GFRA1: variants seen among roughly 807,000 people sequenced by gnomAD.
GFRA1 encodes GDNF family receptor alpha-1.
Under a neutral mutation model 51.6 loss-of-function variants are expected in GFRA1, and 16 were observed. The observed-to-expected ratio is 0.31, with a 90% CI of 0.21 to 0.47. GFRA1 has a LOEUF of 0.47. Among genes scored for constraint, GFRA1 ranks in the 20% least tolerant of loss-of-function variants. The pLI is 1.00. For missense variants in GFRA1, 530 were observed against 594.3 expected (o/e 0.89, Z 1.13); for synonymous variants, 270 against 241.3 (o/e 1.12, Z -1.10).
At chr10:116,096,950 T>C (rs900031891) in intron 6 of GFRA1, among the ~76,000 whole-genome samples, 186 bp from the exon 7 acceptor site, 1 of 152,066 alleles carries the variant, frequency 6.6e-6, no homozygotes, top group Non-Finnish European at 1.5e-5. Context: ...GTTGGCATCC[T>C]TTCTCATTCA....
At chr10:116,225,798 A>T (rs990331635) in intron 4 of GFRA1, among the ~76,000 whole-genome samples, 1 of 152,020 alleles carries the variant, frequency 6.6e-6, no homozygotes, top group African/African-American at 2.4e-5. Context: ...CATGTTGGCC[A>T]GCCTGGTCTC....
At chr10:116,258,407 T>TTG (rs1969051390) in intron 4 of GFRA1, among the ~76,000 whole-genome samples, 1 of 7,836 alleles carries the variant, frequency 1.3e-4, no homozygotes, top group Non-Finnish European at 3.0e-3. Flanking sequence ...ATAAAATATA[T>TTG]TATATTAATA....
chr10:116,137,294 T>C (rs983730137), intron 5 of GFRA1, among the ~76,000 whole-genome samples: 1 of 152,186 alleles, frequency 6.6e-6, no homozygotes, highest in African/African-American at 2.4e-5. Flanking sequence ...TCCTATTAAG[T>C]AGCCTAGATG....
chr10:116,257,425 C>T (rs1485973773), intron 4 of GFRA1, among the ~76,000 whole-genome samples: 2 of 152,090 alleles, frequency 1.3e-5, no homozygotes, highest in Non-Finnish European at 2.9e-5. Flanking sequence ...CTTTGCCTTC[C>T]GAGCTTGTGC....
intron 5 of GFRA1, among the ~76,000 whole-genome samples, chr10:116,150,881 G>GT (rs1291428672): frequency 7.2e-5 from 11 of 152,056 alleles, no homozygotes; most frequent in African/African-American, 2.7e-4. Context: ...TGTTAGTTCT[G>GT]TTTAGAAATA....
chr10:116,148,052 A>ATGCGTGTG lies in GFRA1; in HGVS notation c.434-22496_434-22495insCACACGCA, dbSNP rs1360527323. 8.4e-4 allele frequency among the ~76,000 whole-genome samples: 70 copies of ATGCGTGTG among 83,510 alleles called. 1 individual carries two copies. Among genetic ancestry groups the ATGCGTGTG allele is most frequent in the African/African-American group, 1.7e-3 (43 of 25,756 alleles). The allele number at this position is 83,510 out of a possible 152,430, so 54.8% of individuals were successfully genotyped here. A position where few individuals can be genotyped will look rare whatever the true frequency, so the allele number is the denominator to read the frequency against. On this transcript the variant is annotated intron_variant, in intron 5 of 10. Transcript: ENST00000355422. ...TGCATGTGTGCATGTGCGTGTGTGCATGCATGTGTGCATGCGTGTGTGCAT... is the reference window on the plus strand; with the variant it reads ...TGCATGTGTGCATGTGCGTGTGTGCATGCGTGTGTGCATGTGTGCATGCGTGTGTGCAT...
At chr10:116,170,657 G>A (rs377588191) in intron 5 of GFRA1, among the ~76,000 whole-genome samples, 3 of 152,056 alleles carry the variant, frequency 2.0e-5, no homozygotes, top group African/African-American at 4.8e-5. Context: ...AAAAACTCAG[G>A]GAAGCTCAGA....
intron 9 of GFRA1, among the ~76,000 whole-genome samples, chr10:116,072,474 C>T (rs933506872): frequency 6.6e-6 from 1 of 152,074 alleles, no homozygotes; most frequent in East Asian, 1.9e-4. Flanking sequence ...AAAAAGAGCA[C>T]AGGTTGGCCA....
intron 5 of GFRA1, among the ~76,000 whole-genome samples, chr10:116,146,351 G>A (rs1393995827): frequency 1.3e-5 from 2 of 152,306 alleles, no homozygotes; most frequent in African/African-American, 4.8e-5. Context: ...TTCCTGATAG[G>A]AGAACCATAT....
At chr10:116,117,637 A>G (rs935002251) in intron 6 of GFRA1, among the ~76,000 whole-genome samples, 1 of 151,816 alleles carries the variant, frequency 6.6e-6, no homozygotes, top group African/African-American at 2.4e-5. Flanking sequence ...GGATGAGTGG[A>G]TGGATTAATG....
intron 5 of GFRA1, among the ~76,000 whole-genome samples, chr10:116,128,614 T>C (rs1196445751): frequency 6.6e-6 from 1 of 150,974 alleles, no homozygotes; most frequent in Non-Finnish European, 1.5e-5. Context: ...TAGTCCCAGC[T>C]ACTCGGGAGG....
chr10:116,215,667 G>T (rs1050677188), intron 4 of GFRA1, among the ~76,000 whole-genome samples: 2 of 152,200 alleles, frequency 1.3e-5, no homozygotes, highest in Admixed American at 6.5e-5. Context: ...GCTCTTGCAG[G>T]AATTGGAAAT....
chr10:116,181,922 C>T (rs535701652), intron 5 of GFRA1, among the ~76,000 whole-genome samples: 2 of 152,164 alleles, frequency 1.3e-5, no homozygotes, highest in Non-Finnish European at 2.9e-5. Context: ...GGATTACAGG[C>T]GTGAGCCACT....
At chr10:116,266,181 A>G (rs1969642813) in intron 4 of GFRA1, among the ~76,000 whole-genome samples, 1 of 152,220 alleles carries the variant, frequency 6.6e-6, no homozygotes, top group Non-Finnish European at 1.5e-5. Flanking sequence ...AAGAACGTCA[A>G]ACATGTCTTG....
intron 4 of GFRA1, among the ~76,000 whole-genome samples, chr10:116,234,164 T>A (rs898158920): frequency 1.3e-5 from 2 of 152,200 alleles, no homozygotes; most frequent in African/African-American, 4.8e-5. Context: ...GTTACCTTTT[T>A]AAGGAAAATA....
chr10:116,233,980 G>A (rs192353340), intron 4 of GFRA1, among the ~76,000 whole-genome samples: 15 of 152,252 alleles, frequency 9.9e-5, no homozygotes, highest in Admixed American at 7.2e-4. Flanking sequence ...ATTCACTTTT[G>A]GATATGGTTC....
intron 5 of GFRA1, among the ~76,000 whole-genome samples, chr10:116,209,039 A>G (rs536537562): frequency 1.5e-3 from 230 of 152,252 alleles, no homozygotes; most frequent in African/African-American, 4.8e-3. Context: ...GTATGTAGAA[A>G]GGCCCAGCTG....
chr10:116,125,152 G>C, intron 6 of GFRA1, 69 bp downstream of exon 6: 1 of 1,343,942 alleles, frequency 7.4e-7, no homozygotes, highest in Non-Finnish European at 1.1e-6. Context: ...AAGGGAGCTT[G>C]GCAGCCGAAG....
At chr10:116,238,369 A>T (rs933408777) in intron 4 of GFRA1, among the ~76,000 whole-genome samples, 2 of 152,212 alleles carry the variant, frequency 1.3e-5, no homozygotes, top group Non-Finnish European at 2.9e-5. Flanking sequence ...TACCATCTGC[A>T]TTCAGCCTCC....
Sources: allele counts gnomAD v4.1 joint callset (sites outside exome capture counted in the v4.1 genomes callset), GRCh38; gene constraint gnomAD v4.1.1; transcripts MANE v1.5; gene names NCBI Gene and HGNC (gene_info 2026-07-23, HGNC 2026-07-21).